Variants in IP6K1 observed in about 807,000 individuals in gnomAD.
IP6K1 encodes inositol hexakisphosphate kinase 1, also known as ATP:1D-myo-inositol-hexakisphosphate phosphotransferase.
A neutral mutation model predicts 38.3 loss-of-function variants in IP6K1; 13 were observed. That is an observed-to-expected ratio of 0.34 (90% CI 0.22 to 0.54). The LOEUF (loss-of-function observed/expected upper bound fraction) is 0.54, where lower values mean the gene tolerates loss of function less well. Among genes scored for constraint, IP6K1 ranks in the 20% least tolerant of loss-of-function variants. The probability of loss-of-function intolerance (pLI) is 0.92; values close to 1 mark genes in which losing one functional copy is unlikely to be tolerated. For missense variants in IP6K1, 397 were observed against 599.8 expected, an observed-to-expected ratio of 0.66 and a Z score of 3.53; for synonymous variants, 212 against 229.9, an observed-to-expected ratio of 0.92 and a Z score of 0.70.
At chr3:49,737,356 G>A (rs2080622154) in intron 3 of IP6K1, among the ~76,000 whole-genome samples, 1 of 152,120 alleles carries the variant, frequency 6.6e-6, no homozygotes, top group African/African-American at 2.4e-5. Context: ...CCATCCTAGT[G>A]GGAGTTCATA....
At chr3:49,759,558 C>T (rs1252450532) in intron 1 of IP6K1, among the ~76,000 whole-genome samples, 1 of 152,092 alleles carries the variant, frequency 6.6e-6, no homozygotes, top group Non-Finnish European at 1.5e-5. Context: ...GATTTCAGGG[C>T]ACAAACTCTA....
chr3:49,750,736 G>A (rs1319365317), intron 1 of IP6K1, among the ~76,000 whole-genome samples: 1 of 152,054 alleles, frequency 6.6e-6, no homozygotes, highest in East Asian at 1.9e-4. Flanking sequence ...CCCTTCCCCT[G>A]ACTCTGAGAG....
chr3:49,757,202 T>C (rs889954842), intron 1 of IP6K1, among the ~76,000 whole-genome samples: 3 of 152,210 alleles, frequency 2.0e-5, no homozygotes, highest in Non-Finnish European at 4.4e-5. Context: ...AACTGAAAGA[T>C]AGATGCAAAA....
intron 1 of IP6K1, among the ~76,000 whole-genome samples, chr3:49,774,048 A>G (rs970658964): frequency 2.3e-4 from 35 of 151,440 alleles, no homozygotes; most frequent in Admixed American, 6.6e-5. Context: ...AATACTCACC[A>G]CCAAACCAAT....
At chr3:49,764,509 T>C (rs2080892900) in intron 1 of IP6K1, among the ~76,000 whole-genome samples, 1 of 152,236 alleles carries the variant, frequency 6.6e-6, no homozygotes, top group Non-Finnish European at 1.5e-5. Flanking sequence ...AAAAGTTATA[T>C]GCAGGTTTTT....
intron 1 of IP6K1, among the ~76,000 whole-genome samples, chr3:49,760,821 T>C (rs1385650889): frequency 1.3e-5 from 2 of 152,092 alleles, no homozygotes; most frequent in Admixed American, 1.3e-4. Context: ...TCAGAAACCA[T>C]GTGAAAAAAT....
chr3:49,742,399 A>G (rs549111196), intron 2 of IP6K1, among the ~76,000 whole-genome samples: 34 of 152,218 alleles, frequency 2.2e-4, no homozygotes, highest in African/African-American at 7.5e-4. Context: ...AATACAAAAA[A>G]TTAGCCGGGC....
intron 1 of IP6K1, among the ~76,000 whole-genome samples, chr3:49,761,239 C>T (rs1218505625): frequency 6.6e-6 from 1 of 151,926 alleles, no homozygotes; most frequent in African/African-American, 2.4e-5. Flanking sequence ...CACTTGAACC[C>T]GGGAGGTGGA....
chr3:49,738,984 G>A (rs777431812), intron 2 of IP6K1, among the ~76,000 whole-genome samples: 1 of 152,126 alleles, frequency 6.6e-6, no homozygotes, highest in Non-Finnish European at 1.5e-5. Context: ...TCTGTTTGCC[G>A]TGCTGTATCC....
intron 1 of IP6K1, among the ~76,000 whole-genome samples, chr3:49,783,134 GCC>G (rs2081081816): frequency 6.6e-6 from 1 of 151,164 alleles, no homozygotes; most frequent in Non-Finnish European, 1.5e-5. Context: ...AAAAAAAAAG[GCC>G]AGGCATGGTG....
intron 1 of IP6K1, among the ~76,000 whole-genome samples, chr3:49,761,613 CAAAAAA>C (rs71080551): frequency 1.1e-5 from 1 of 91,726 alleles, no homozygotes; most frequent in Non-Finnish European, 2.2e-5. Flanking sequence ...GACTCCGTCT[CAAAAAA>C]AAAAAAAAAA....
chr3:49,764,546 ACC>A (rs2080893159), intron 1 of IP6K1, among the ~76,000 whole-genome samples: 1 of 151,996 alleles, frequency 6.6e-6, no homozygotes, highest in Non-Finnish European at 1.5e-5. Flanking sequence ...TGACACCCCA[ACC>A]CCCACACTGT....
intron 1 of IP6K1, among the ~76,000 whole-genome samples, chr3:49,759,125 A>G (rs1188146926): frequency 6.6e-6 from 1 of 152,178 alleles, no homozygotes; most frequent in Admixed American, 6.5e-5. Context: ...TGACACCACA[A>G]AACTGTTAGG....
chr3:49,737,071 CTTTTTTTTTTTTTT>C (rs527723899), intron 3 of IP6K1, among the ~76,000 whole-genome samples: 2 of 113,034 alleles, frequency 1.8e-5, no homozygotes, highest in Admixed American at 9.8e-5. Context: ...CAAGCCTGGC[CTTTTTTTTTTTTTT>C]TTTTTTTTAG....
At chr3:49,759,346 C>T (rs1407332253) in intron 1 of IP6K1, among the ~76,000 whole-genome samples, 3 of 152,146 alleles carry the variant, frequency 2.0e-5, no homozygotes, top group South Asian at 2.1e-4. Context: ...TAAGGCAAAA[C>T]GTCCACCACA....
rs1217162043 is a variant in IP6K1 at position 49,763,104 on chromosome 3, C to CT, written c.-128-14937dup. On this transcript the variant is annotated intron_variant, in intron 1 of 5. Transcript: ENST00000321599. Reference sequence around the variant, plus strand: ...CATGCCTGGCCAAGGTCAATTATTTCTTTTTTTTTTTTTTTTTGAGACGGA... The same window carrying CT: ...CATGCCTGGCCAAGGTCAATTATTTCTTTTTTTTTTTTTTTTTTGAGACGGA... Among the ~76,000 whole-genome samples the CT allele has an allele frequency of 8.8e-3, 1,204 of 137,578 alleles. 12 individuals are homozygous for CT. The highest frequency in any genetic ancestry group is 0.023 in the African/African-American group (882 of 37,698). 90.3% of individuals were successfully genotyped at this position (137,578 alleles called of 152,430 possible). A position where few individuals can be genotyped will look rare whatever the true frequency, so the allele number is the denominator to read the frequency against.
intron 1 of IP6K1, chr3:49,775,625 G>T: frequency 1.1e-6 from 1 of 883,228 alleles, no homozygotes; most frequent in East Asian, 3.3e-5. Flanking sequence ...TTGGTGGGTG[G>T]CCCCTTCCTC....
chr3:49,774,962 AGAT>A (rs1307230778), intron 1 of IP6K1, among the ~76,000 whole-genome samples: 1 of 152,094 alleles, frequency 6.6e-6, no homozygotes, highest in Non-Finnish European at 1.5e-5. Context: ...ACAACCTTCC[AGAT>A]CTACATACAT....
rs1277207284 is a variant in IP6K1, at chr3:49,731,907, G to GAAAAAAAAAAAAAAAAAAAAAAAAAAAA, written c.616+883_616+884insTTTTTTTTTTTTTTTTTTTTTTTTTTTT. ...TGTCTCAAAAAAAAAAAAAAAAAAGGAATTCCTATGCCATAATACTTTTTT... is the reference window on the plus strand; with the variant it reads ...TGTCTCAAAAAAAAAAAAAAAAAAGGAAAAAAAAAAAAAAAAAAAAAAAAAAAAAATTCCTATGCCATAATACTTTTTT... On this transcript the variant is annotated intron_variant, in intron 4 of 5. Transcript: ENST00000321599. 5.8e-4 allele frequency among the ~76,000 whole-genome samples: 40 copies of GAAAAAAAAAAAAAAAAAAAAAAAAAAAA among 69,062 alleles called. 2 individuals are homozygous for GAAAAAAAAAAAAAAAAAAAAAAAAAAAA. Among genetic ancestry groups the GAAAAAAAAAAAAAAAAAAAAAAAAAAAA allele is most frequent in the Non-Finnish European group, 9.2e-4 (29 of 31,654 alleles). 45.3% of individuals were successfully genotyped at this position (69,062 alleles called of 152,430 possible).
Sources: gnomAD v4.1 joint callset for allele counts (sites outside exome capture counted in the v4.1 genomes callset) on GRCh38, gnomAD v4.1.1 for gene constraint, MANE v1.5 for transcripts, NCBI Gene and HGNC (gene_info 2026-07-23, HGNC 2026-07-21) for gene names.